The following CSMD1 variants were observed in gnomAD, a reference collection of about 807,000 sequenced individuals.
CSMD1 encodes the protein CUB and sushi domain-containing protein 1.
A neutral mutation model predicts 417.5 loss-of-function variants in CSMD1; 213 were observed. The observed-to-expected ratio is 0.51, with a 90% CI of 0.46 to 0.57. The LOEUF is 0.57. CSMD1 is among the 20% of genes least tolerant of loss of function. The pLI, the probability that CSMD1 is intolerant of heterozygous loss-of-function variation, is 0.00. For synonymous variants in CSMD1, 2,862 were observed against 1,736.8 expected, an observed-to-expected ratio of 1.65 and a Z score of -16.11; for missense variants, 6,923 against 4,529.7, an observed-to-expected ratio of 1.53 and a Z score of -15.17.
rs546698666 is a variant in CSMD1 at position 2,998,208 on chromosome 8, A to G, written c.8204-24T>C. ...GGCTGTAGAGAGACAGGTCAACGTCATTGTTAAATATTGAACAGGTCATCA... is the reference window on the plus strand; with the variant it reads ...GGCTGTAGAGAGACAGGTCAACGTCGTTGTTAAATATTGAACAGGTCATCA... On this transcript the variant is annotated intron_variant, in intron 53 of 69. Transcript: ENST00000635120. 2.9e-5 allele frequency: 46 copies of G among 1,609,652 alleles called. 1 individual carries two copies. In the South Asian group the frequency reaches 4.6e-4, roughly 16 times the overall value.
chr8:4,333,317 C>G (rs73506637), intron 3 of CSMD1, among the ~76,000 whole-genome samples: 11,552 of 152,054 alleles, frequency 0.076, 1,441 homozygotes, highest in African/African-American at 0.26. Flanking sequence ...TGTTGAACAT[C>G]TAGATCCGAG....
intron 5 of CSMD1, among the ~76,000 whole-genome samples, chr8:3,919,259 T>C (rs937497409): frequency 6.6e-6 from 1 of 151,874 alleles, no homozygotes; most frequent in Non-Finnish European, 1.5e-5. Flanking sequence ...AAAAAATGTT[T>C]TCTTCTAGGA....
intron 3 of CSMD1, among the ~76,000 whole-genome samples, chr8:4,342,233 C>CTGTG (rs1219686033): frequency 1.7e-4 from 4 of 23,464 alleles, no homozygotes; most frequent in Non-Finnish European, 3.5e-4. Context: ...GTGTGTGTGT[C>CTGTG]TGTGTGTGTG....
At chr8:4,082,020 G>C (rs1373338818) in intron 3 of CSMD1, among the ~76,000 whole-genome samples, 3 of 151,768 alleles carry the variant, frequency 2.0e-5, no homozygotes, top group Admixed American at 6.6e-5. Flanking sequence ...AATTTTAAAA[G>C]GCAAATAGAG....
At chr8:4,148,727 A>G (rs1015431017) in intron 3 of CSMD1, among the ~76,000 whole-genome samples, 1 of 151,840 alleles carries the variant, frequency 6.6e-6, no homozygotes, top group African/African-American at 2.4e-5. Context: ...CACTCTCATC[A>G]CCTCCTTGCC....
chr8:3,390,258 G>C (rs1332218299), intron 17 of CSMD1, among the ~76,000 whole-genome samples: 1 of 147,528 alleles, frequency 6.8e-6, no homozygotes, highest in African/African-American at 2.5e-5. Flanking sequence ...GGGAGGCTGA[G>C]TCAGGAGAAA....
intron 3 of CSMD1, among the ~76,000 whole-genome samples, chr8:4,218,082 T>G (rs567423715): frequency 4.7e-4 from 72 of 152,286 alleles, no homozygotes; most frequent in African/African-American, 1.7e-3. Context: ...AGGTTGCAAT[T>G]TTTTGAATTT....
intron 3 of CSMD1, among the ~76,000 whole-genome samples, chr8:4,082,593 C>G (rs960938252): frequency 6.8e-6 from 1 of 147,864 alleles, no homozygotes; most frequent in Non-Finnish European, 1.5e-5. Context: ...AAGAAAAAAA[C>G]CTTTCTTTTT....
At chr8:4,525,996 G>A (rs981421182) in intron 2 of CSMD1, among the ~76,000 whole-genome samples, 1 of 152,148 alleles carries the variant, frequency 6.6e-6, no homozygotes, top group Admixed American at 6.5e-5. Context: ...CCAGAAAACA[G>A]TGGGGAGCTC....
chr8:4,280,093 G>A (rs150681200), intron 3 of CSMD1, among the ~76,000 whole-genome samples: 2,761 of 152,310 alleles, frequency 0.018, 46 homozygotes, highest in Non-Finnish European at 0.028. Flanking sequence ...AAATAACTCT[G>A]TTTTGTATGC....
intron 3 of CSMD1, among the ~76,000 whole-genome samples, chr8:4,131,233 G>A (rs1036679225): frequency 5.9e-5 from 9 of 152,150 alleles, no homozygotes; most frequent in African/African-American, 1.9e-4. Context: ...TACGGCATGT[G>A]GTGTGGCTGA....
intron 36 of CSMD1, among the ~76,000 whole-genome samples, chr8:3,186,064 C>G (rs1018532015): frequency 6.8e-6 from 1 of 147,182 alleles, no homozygotes; most frequent in Non-Finnish European, 1.5e-5. Context: ...TGACTTTTTT[C>G]CCTCCTGTAA....
At chr8:4,182,185 G>C (rs1012317106) in intron 3 of CSMD1, among the ~76,000 whole-genome samples, 6 of 152,062 alleles carry the variant, frequency 3.9e-5, no homozygotes, top group Non-Finnish European at 8.8e-5. Flanking sequence ...TTAGTTTTCT[G>C]ATTAGGTTCT....
intron 6 of CSMD1, among the ~76,000 whole-genome samples, chr8:3,721,316 G>A (rs900139814): frequency 6.6e-6 from 1 of 152,158 alleles, no homozygotes; most frequent in East Asian, 1.9e-4. Flanking sequence ...GGGTGTGTAA[G>A]TGAGTGTGTG....
intron 3 of CSMD1, among the ~76,000 whole-genome samples, chr8:4,185,337 T>C (rs1015898862): frequency 6.6e-6 from 1 of 152,036 alleles, no homozygotes; most frequent in Non-Finnish European, 1.5e-5. Flanking sequence ...CTCACAATAG[T>C]TTTGTCACAG....
At chr8:4,830,821 C>A (rs1320885420) in intron 1 of CSMD1, among the ~76,000 whole-genome samples, 20 of 151,852 alleles carry the variant, frequency 1.3e-4, no homozygotes, top group Non-Finnish European at 2.9e-4. Flanking sequence ...GTGGAATGAG[C>A]AGGGAAAGAA....
Position 4,648,126 on chromosome 8 carries a change from C to G in CSMD1, c.86-10568G>C, listed in dbSNP as rs990853385. Among the ~76,000 whole-genome samples, 4 of 152,152 alleles carry G rather than the reference C, an allele frequency of 2.6e-5. 1 individual carries two copies. Among genetic ancestry groups the G allele is most frequent in the African/African-American group, 9.7e-5 (4 of 41,438 alleles). ...TGCCATTCTGACTGGCATGAGATGG[C>G]ATCTCACTGTGGTTTTGATTTGCGT... On this transcript the variant is annotated intron_variant, in intron 1 of 69. Transcript: ENST00000635120.
chr8:3,250,837 G>T (rs942378248), intron 26 of CSMD1, among the ~76,000 whole-genome samples: 7 of 152,178 alleles, frequency 4.6e-5, no homozygotes, highest in Admixed American at 6.5e-5. Flanking sequence ...TTTTTCATGT[G>T]TCTGTTGGCT....
intron 2 of CSMD1, among the ~76,000 whole-genome samples, chr8:4,481,126 C>T (rs932263873): frequency 6.6e-6 from 1 of 152,216 alleles, no homozygotes; most frequent in Non-Finnish European, 1.5e-5. Context: ...CAATGAGCAT[C>T]TCAAGGCTTG....
Sources: allele counts gnomAD v4.1 joint callset (sites outside exome capture counted in the v4.1 genomes callset), GRCh38; gene constraint gnomAD v4.1.1; transcripts MANE v1.5; gene names NCBI Gene and HGNC (gene_info 2026-07-23, HGNC 2026-07-21).